GOT1: variants seen among roughly 807,000 people sequenced by gnomAD.
The protein encoded by GOT1 is aspartate aminotransferase, cytoplasmic.
Under a neutral mutation model 48.2 loss-of-function variants are expected in GOT1, and 25 were observed. That is an observed-to-expected ratio of 0.52 (90% confidence interval 0.38 to 0.72). The LOEUF is 0.72. Ranked by LOEUF, GOT1 falls within the 30% of genes least tolerant of loss-of-function variation. The pLI, the probability that GOT1 is intolerant of heterozygous loss-of-function variation, is 0.00. For missense variants in GOT1, 380 were observed against 520.1 expected (o/e 0.73, Z 2.62); for synonymous variants, 188 against 193.8 (o/e 0.97, Z 0.25).
intron 2 of GOT1, among the ~76,000 whole-genome samples, chr10:99,413,678 G>C (rs1236312697): frequency 1.3e-5 from 2 of 152,292 alleles, no homozygotes; most frequent in African/African-American, 4.8e-5. Flanking sequence ...AAATGTTAAA[G>C]GCAGCCAGAA....
At chr10:99,406,681 C>A (rs754349363) in intron 3 of GOT1, 45 bp downstream of exon 3, 3 of 1,593,250 alleles carry the variant, frequency 1.9e-6, no homozygotes, top group East Asian at 2.2e-5. Context: ...GAGGATAATT[C>A]TCTCTGGTTT....
At chr10:99,417,664 G>A (rs1464715805) in intron 2 of GOT1, among the ~76,000 whole-genome samples, 3 of 152,180 alleles carry the variant, frequency 2.0e-5, no homozygotes, top group Non-Finnish European at 2.9e-5. Flanking sequence ...CAATAGCAAA[G>A]ACTTGGAACC....
intron 1 of GOT1, 24 bp downstream of exon 1, chr10:99,430,424 C>A: frequency 6.3e-7 from 1 of 1,598,244 alleles, no homozygotes; most frequent in South Asian, 1.1e-5. Flanking sequence ...GAGCTGCTCA[C>A]ACTCCAGAGC....
chr10:99,419,562 T>A lies in GOT1; in HGVS notation c.300+1062A>T, dbSNP rs931615721. On this transcript the variant is annotated intron_variant, in intron 2 of 8. Coordinates refer to ENST00000370508, the MANE Select transcript of GOT1 (RefSeq NM_002079.3). ...CCTCTTGCCCCTCTTCCATATTTTA[T>A]GGTTCTCAAAACTGGCTATACTTTG... Among the ~76,000 whole-genome samples the A allele has an allele frequency of 2.6e-5, 4 of 152,172 alleles. No homozygotes were observed. In the East Asian group the frequency reaches 7.7e-4, roughly 29 times the overall value.
intron 5 of GOT1, 27 bp from the exon 6 acceptor site, chr10:99,403,901 C>A: frequency 6.2e-7 from 1 of 1,612,054 alleles, no homozygotes; most frequent in South Asian, 1.1e-5. Context: ...TGAGTCAGGG[C>A]AGGAAATCCT....
At chr10:99,418,393 T>TC (rs2032924686) in intron 2 of GOT1, among the ~76,000 whole-genome samples, 1 of 151,456 alleles carries the variant, frequency 6.6e-6, no homozygotes, top group Non-Finnish European at 1.5e-5. Flanking sequence ...AGGAAGAAAC[T>TC]CCCCAACATG....
At chr10:99,404,470 G>A (rs2032728078) in intron 5 of GOT1, among the ~76,000 whole-genome samples, 1 of 152,100 alleles carries the variant, frequency 6.6e-6, no homozygotes, top group African/African-American at 2.4e-5. Context: ...TAACTCTGCA[G>A]CTCATCCCCC....
At chr10:99,421,529 T>G (rs576637466) in intron 1 of GOT1, among the ~76,000 whole-genome samples, 7 of 152,360 alleles carry the variant, frequency 4.6e-5, no homozygotes, top group African/African-American at 1.7e-4. Flanking sequence ...TTGATCTATT[T>G]CACAATATTT....
rs561869507 is a variant in GOT1, at chr10:99,411,380, C to T, written c.301-4531G>A. ...GCAGTGAGGAGTCTAGAAAATAGGT[C>T]TCCTCAAAATGGGTAAAGGATCTGG... On this transcript the variant is annotated intron_variant, in intron 2 of 8. Coordinates refer to ENST00000370508, the MANE Select transcript of GOT1 (RefSeq NM_002079.3). 9.3e-4 allele frequency among the ~76,000 whole-genome samples: 142 copies of T among 152,174 alleles called. 2 individuals carry two copies. Among genetic ancestry groups the T allele is most frequent in the Non-Finnish European group, 1.0e-3 (70 of 68,032 alleles).
chr10:99,401,709 C>T (rs575841313), intron 8 of GOT1, among the ~76,000 whole-genome samples: 26 of 152,092 alleles, frequency 1.7e-4, no homozygotes, highest in Admixed American at 1.3e-3. Flanking sequence ...TCAGATGGGA[C>T]TGCAGATGGC....
intron 2 of GOT1, among the ~76,000 whole-genome samples, chr10:99,416,822 A>C (rs2032901283): frequency 6.6e-6 from 1 of 152,238 alleles, no homozygotes; most frequent in Admixed American, 6.5e-5. Flanking sequence ...AAAACAAGAA[A>C]TGGGGAAAGG....
intron 7 of GOT1, 32 bp downstream of exon 7, chr10:99,403,437 C>G (rs2275952): frequency 1.3e-6 from 2 of 1,568,222 alleles, no homozygotes; most frequent in African/African-American, 1.4e-5. Context: ...GCACTCCCCA[C>G]CCCCCGGCCC....
intron 1 of GOT1, among the ~76,000 whole-genome samples, chr10:99,422,960 A>G (rs1468243815): frequency 1.3e-5 from 2 of 152,266 alleles, no homozygotes; most frequent in Non-Finnish European, 2.9e-5. Flanking sequence ...GACCCTGTAC[A>G]TACGTCATCT....
intron 1 of GOT1, among the ~76,000 whole-genome samples, chr10:99,423,158 G>A (rs1396020192): frequency 6.6e-6 from 1 of 152,114 alleles, no homozygotes; most frequent in African/African-American, 2.4e-5. Flanking sequence ...CGCACTGAGT[G>A]TATTTTTGCC....
chr10:99,410,556 T>C (rs960467778), intron 2 of GOT1, among the ~76,000 whole-genome samples: 2 of 152,212 alleles, frequency 1.3e-5, no homozygotes, highest in Non-Finnish European at 2.9e-5. Context: ...AACTAATCCT[T>C]GACATTCATG....
chr10:99,428,060 C>T (rs987929277), intron 1 of GOT1, among the ~76,000 whole-genome samples: 10 of 152,160 alleles, frequency 6.6e-5, no homozygotes, highest in Non-Finnish European at 1.3e-4. Flanking sequence ...TTGCTTCTGG[C>T]CTGTGCTGTC....
intron 8 of GOT1, among the ~76,000 whole-genome samples, chr10:99,398,515 C>T (rs1377428727): frequency 6.6e-6 from 1 of 151,938 alleles, no homozygotes; most frequent in Admixed American, 6.6e-5. Context: ...ACTAAAAATA[C>T]AAAAATTAGC....
chr10:99,400,817 T>C (rs779643557), intron 8 of GOT1, among the ~76,000 whole-genome samples: 1 of 152,214 alleles, frequency 6.6e-6, no homozygotes, highest in Non-Finnish European at 1.5e-5. Flanking sequence ...GGCTCATGCC[T>C]GTAGTCCCAG....
At chr10:99,401,183 TTC>T (rs1019335210) in intron 8 of GOT1, among the ~76,000 whole-genome samples, 61 of 152,300 alleles carry the variant, frequency 4.0e-4, no homozygotes, top group African/African-American at 1.4e-3. Flanking sequence ...CTATTAATAT[TTC>T]TGTTACATGT....
Sources: allele counts gnomAD v4.1 joint callset (sites outside exome capture counted in the v4.1 genomes callset), GRCh38; gene constraint gnomAD v4.1.1; transcripts MANE v1.5; gene names NCBI Gene and HGNC (gene_info 2026-07-23, HGNC 2026-07-21).